The following ADIPOR2 variants were observed in gnomAD, a reference collection of about 807,000 sequenced individuals.
ADIPOR2 encodes adiponectin receptor 2, also known as adiponectin receptor protein 2.
A neutral mutation model predicts 40.9 loss-of-function variants in ADIPOR2; 18 were observed. The observed-to-expected ratio is 0.44, with a 90% CI of 0.30 to 0.65. The LOEUF is 0.65. ADIPOR2 is among the 30% of genes least tolerant of loss of function. ADIPOR2 has a pLI of 0.09. For synonymous variants in ADIPOR2, 165 were observed against 166.4 expected (o/e 0.99, Z 0.06); for missense variants, 283 against 479.2 (o/e 0.59, Z 3.82).
intron 1 of ADIPOR2, among the ~76,000 whole-genome samples, chr12:1,707,839 T>C (rs1356382900): frequency 6.6e-6 from 1 of 152,190 alleles, no homozygotes; most frequent in African/African-American, 2.4e-5. Flanking sequence ...GCCATTTGTA[T>C]ATCCTTTTAT....
intron 3 of ADIPOR2, among the ~76,000 whole-genome samples, chr12:1,774,871 A>G (rs1035902031): frequency 2.0e-5 from 3 of 150,204 alleles, no homozygotes; most frequent in African/African-American, 4.9e-5. Flanking sequence ...TGCCCGGCTA[A>G]TTTTTGTATT....
chr12:1,713,694 A>C (rs760019013), intron 1 of ADIPOR2, among the ~76,000 whole-genome samples: 25 of 152,126 alleles, frequency 1.6e-4, no homozygotes, highest in Non-Finnish European at 3.2e-4. Context: ...ACTTTCAGGC[A>C]TAACAAGAAA....
At chr12:1,775,413 G>A (rs1311861623) in intron 3 of ADIPOR2, among the ~76,000 whole-genome samples, 1 of 152,152 alleles carries the variant, frequency 6.6e-6, no homozygotes, top group Non-Finnish European at 1.5e-5. Flanking sequence ...AGAAAGTATA[G>A]CTCCTTGTCT....
At position 1,783,877 on chromosome 12, in the gene ADIPOR2, T is replaced by A; in HGVS notation, c.839-3T>A. The stretch of plus-strand genomic sequence containing the variant: ...TACTTTACTCTCTTCTTGTGACTCC[T>A]AGGAGTGTTTTTGGGCCTAGGCCTG... On this transcript the variant is annotated splice_region_variant and splice_polypyrimidine_tract_variant and intron_variant, in intron 6 of 7. Transcript: ENST00000357103. 6.3e-7 allele frequency: 1 copy of A among 1,595,966 alleles called. No individual in the cohort carries two copies. The highest frequency in any genetic ancestry group is 8.5e-7 in the Non-Finnish European group (1 of 1,170,304).
At chr12:1,767,128 G>A (rs1862398115) in intron 2 of ADIPOR2, among the ~76,000 whole-genome samples, 1 of 151,976 alleles carries the variant, frequency 6.6e-6, no homozygotes, top group African/African-American at 2.4e-5. Flanking sequence ...ATAATTAGCC[G>A]GGCGTGGTGG....
At chr12:1,779,268 C>T (rs952670200) in intron 4 of ADIPOR2, among the ~76,000 whole-genome samples, 17 of 152,148 alleles carry the variant, frequency 1.1e-4, no homozygotes, top group African/African-American at 4.1e-4. Flanking sequence ...AGAAGCAACC[C>T]AGATGTCTAT....
At chr12:1,718,903 AAAG>A (rs2094692671) in intron 1 of ADIPOR2, among the ~76,000 whole-genome samples, 1 of 152,232 alleles carries the variant, frequency 6.6e-6, no homozygotes, top group African/African-American at 2.4e-5. Context: ...CTGGGGGAAA[AAAG>A]AAGTGTAGTG....
intron 3 of ADIPOR2, 146 bp from the exon 4 acceptor site, chr12:1,777,708 A>G (rs1223231993): frequency 1.3e-6 from 1 of 763,634 alleles, no homozygotes; most frequent in Non-Finnish European, 2.0e-6. Context: ...AATATAAGAC[A>G]TTATACATTT....
intron 2 of ADIPOR2, among the ~76,000 whole-genome samples, chr12:1,762,002 A>T (rs976935699): frequency 4.1e-4 from 63 of 152,206 alleles, no homozygotes; most frequent in Non-Finnish European, 1.3e-4. Flanking sequence ...TATCTGGCCA[A>T]CTTCATTTCA....
At chr12:1,775,302 G>A (rs1312426187) in intron 3 of ADIPOR2, among the ~76,000 whole-genome samples, 1 of 152,152 alleles carries the variant, frequency 6.6e-6, no homozygotes, top group Admixed American at 6.5e-5. Context: ...GGGTAAAAGA[G>A]GATACCTATT....
chr12:1,691,425 T>TGCGACCGCTGTCGGAGGAGTCCG (rs2094626638), intron 1 of ADIPOR2, among the ~76,000 whole-genome samples: 1 of 152,158 alleles, frequency 6.6e-6, no homozygotes, highest in South Asian at 2.1e-4. Flanking sequence ...CCGCCCTCCT[T>TGCGACCGCTGTCGGAGGAGTCCG]GCGACCGCTG....
intron 4 of ADIPOR2, 155 bp from the exon 5 acceptor site, chr12:1,780,296 A>G (rs1443228051): frequency 4.1e-6 from 3 of 737,364 alleles, no homozygotes; most frequent in Non-Finnish European, 4.0e-6. Flanking sequence ...GTAAACCACA[A>G]TTTTGGATAG....
Position 1,713,818 on chromosome 12 carries a change from C to T in ADIPOR2, c.-87+22627C>T, listed in dbSNP as rs142328192. ...GTAATGGACCTTGAGGACAGCTGTCCGGGACAGGAGATTAACACTGAGCCT... is the reference window on the plus strand; with the variant it reads ...GTAATGGACCTTGAGGACAGCTGTCTGGGACAGGAGATTAACACTGAGCCT... On this transcript the variant is annotated intron_variant, in intron 1 of 7. Coordinates refer to ENST00000357103, the MANE Select transcript of ADIPOR2 (RefSeq NM_024551.3). Among the ~76,000 whole-genome samples, 484 of 151,996 alleles carry T rather than the reference C, an allele frequency of 3.2e-3. 4 individuals carry two copies. Among genetic ancestry groups the T allele is most frequent in the Middle Eastern group, 0.02 (6 of 294 alleles).
At chr12:1,700,247 G>A (rs774447697) in intron 1 of ADIPOR2, among the ~76,000 whole-genome samples, 1 of 152,118 alleles carries the variant, frequency 6.6e-6, no homozygotes, top group Non-Finnish European at 1.5e-5. Flanking sequence ...TTGTATGTTT[G>A]TTGTTAGTAT....
chr12:1,716,819 G>A (rs918929602), intron 1 of ADIPOR2, among the ~76,000 whole-genome samples: 2 of 152,092 alleles, frequency 1.3e-5, no homozygotes, highest in Non-Finnish European at 2.9e-5. Flanking sequence ...TCATTTGCTT[G>A]TGTGATTTTA....
chr12:1,736,024 G>A (rs937665355), intron 1 of ADIPOR2, among the ~76,000 whole-genome samples: 3 of 152,058 alleles, frequency 2.0e-5, no homozygotes, highest in Non-Finnish European at 4.4e-5. Context: ...TCTTTGCATC[G>A]ATGTTCATCA....
intron 1 of ADIPOR2, among the ~76,000 whole-genome samples, chr12:1,752,192 G>T (rs867146055): frequency 1.4e-5 from 2 of 146,676 alleles, no homozygotes; most frequent in Non-Finnish European, 3.0e-5. Context: ...GCCCCCCAAA[G>T]TGCTGGGATT....
chr12:1,726,076 A>T lies in ADIPOR2; in HGVS notation c.-86-28182A>T, dbSNP rs531772408. On this transcript the variant is annotated intron_variant, in intron 1 of 7. Coordinates refer to ENST00000357103, the MANE Select transcript of ADIPOR2 (RefSeq NM_024551.3). ...ACCAGAAGTGTCAATTAAGTTTAAC[A>T]ATTTCTTCAGGCAGAGAAAATTGCT... is the stretch of plus-strand genomic sequence containing the variant. Among the ~76,000 whole-genome samples, 3 of 152,330 alleles carry T rather than the reference A, an allele frequency of 2.0e-5. 1 individual carries two copies. The highest frequency in any genetic ancestry group is 2.0e-4 in the Admixed American group (3 of 15,296).
chr12:1,723,465 A>G (rs1490457245), intron 1 of ADIPOR2, among the ~76,000 whole-genome samples: 2 of 8,786 alleles, frequency 2.3e-4, no homozygotes, highest in Admixed American at 2.3e-3. Context: ...TCTCTACTGA[A>G]AAAAAAAAAA....
Sources: gnomAD v4.1 joint callset for allele counts (sites outside exome capture counted in the v4.1 genomes callset) on GRCh38, gnomAD v4.1.1 for gene constraint, MANE v1.5 for transcripts, NCBI Gene and HGNC (gene_info 2026-07-23, HGNC 2026-07-21) for gene names.